CSMD1: variants seen among roughly 807,000 people sequenced by gnomAD.
The protein encoded by CSMD1 is CUB and Sushi multiple domains 1, also known as CUB and sushi domain-containing protein 1.
A neutral mutation model predicts 417.5 loss-of-function variants in CSMD1; 213 were observed. That is an observed-to-expected ratio of 0.51 (90% confidence interval 0.46 to 0.57). CSMD1 has a LOEUF of 0.57. Among genes scored for constraint, CSMD1 ranks in the 20% least tolerant of loss-of-function variants. The pLI, the probability that CSMD1 is intolerant of heterozygous loss-of-function variation, is 0.00. For synonymous variants in CSMD1, 2,862 were observed against 1,736.8 expected (o/e 1.65, Z -16.11); for missense variants, 6,923 against 4,529.7 (o/e 1.53, Z -15.17).
Position 4,866,684 on chromosome 8 carries a change from AT to A in CSMD1, c.85+127647del, listed in dbSNP as rs1202512883. Among the ~76,000 whole-genome samples, 8 of 152,136 alleles carry A rather than the reference AT, an allele frequency of 5.3e-5. No individual in the cohort carries two copies. The South Asian group carries it at 1.7e-3, about 32-fold the overall frequency. On this transcript the variant is annotated intron_variant, in intron 1 of 69. Transcript: ENST00000635120. ...TTCTCTTTACCAGATTTACAATGAA[AT>A]AAATAAAAAATAAGATACTAATTTA... is the stretch of plus-strand genomic sequence containing the variant.
At chr8:3,749,963 G>T (rs117568081) in intron 6 of CSMD1, among the ~76,000 whole-genome samples, 1 of 152,064 alleles carries the variant, frequency 6.6e-6, no homozygotes, top group South Asian at 2.1e-4. Flanking sequence ...TGTTCAGCTT[G>T]ATGGTAAAAC....
Position 3,387,619 on chromosome 8 carries a change from C to T in CSMD1, c.2657G>A (p.Gly886Asp). The T allele has an allele frequency of 1.2e-6, 2 of 1,601,246 alleles. No individual in the cohort carries two copies. Among genetic ancestry groups the T allele is most frequent in the Non-Finnish European group, 1.7e-6 (2 of 1,173,788 alleles). The change falls in exon 18 of 70, where the codon GGT (glycine) becomes GAT (aspartate). Residue 886 changes from glycine to aspartate, a missense_variant. Coordinates refer to ENST00000635120, the MANE Select transcript of CSMD1 (RefSeq NM_033225.6). ...TGTGGACCTGATGCCAAAGTCTCCA[C>T]CGTGGCGATGGCCGTTCACAGGGAT... ...PGIPVNGHRH[G>D]GDFGIRSTVT...
chr8:3,182,815 G>GACTCTGGCTGA (rs1554454731), intron 36 of CSMD1, among the ~76,000 whole-genome samples: 12 of 97,694 alleles, frequency 1.2e-4, no homozygotes, highest in South Asian at 1.2e-3. Context: ...TGGTCTCGGG[G>GACTCTGGCTGA]GACTCTGGCT....
In CSMD1 at chr8:4,895,781, T is replaced by G. The variant is rs181148934; in HGVS notation, c.85+98551A>C. Among the ~76,000 whole-genome samples, 240 of 152,166 alleles carry G rather than the reference T, an allele frequency of 1.6e-3. 5 individuals are homozygous for G. Among genetic ancestry groups the G allele is most frequent in the African/African-American group, 5.7e-3 (236 of 41,462 alleles). On this transcript the variant is annotated intron_variant, in intron 1 of 69. Transcript: ENST00000635120. ...AGATATTAAACTTTACCAAAGTAAA[T>G]TTAAAATCAATAAGCTGTACAGCTG...
chr8:3,058,808 A>G (rs2128992608), intron 49 of CSMD1, among the ~76,000 whole-genome samples: 1 of 152,058 alleles, frequency 6.6e-6, no homozygotes, highest in Middle Eastern at 3.4e-3. Flanking sequence ...ACGGTTTACA[A>G]ACACCTGCTA....
rs151032252 is a variant in CSMD1 at position 3,133,130 on chromosome 8, G to A, written c.6241+9335C>T. Among the ~76,000 whole-genome samples, 22 of 152,306 alleles carry A rather than the reference G, an allele frequency of 1.4e-4. No individual in the cohort carries two copies. The East Asian group carries it at 3.5e-3, about 24-fold the overall frequency. On this transcript the variant is annotated intron_variant, in intron 41 of 69. Coordinates refer to ENST00000635120, the MANE Select transcript of CSMD1 (RefSeq NM_033225.6). ...CCCTGGATGTCACCCACTGCAGCGT[G>A]GGCCGGCACACAGCTTCTCCTCAGC...
At chr8:3,294,614 TGA>T (rs1803825973) in intron 25 of CSMD1, among the ~76,000 whole-genome samples, 1 of 152,170 alleles carries the variant, frequency 6.6e-6, no homozygotes, top group Non-Finnish European at 1.5e-5. Context: ...TAGGACCCTC[TGA>T]GTCATGCACG....
chr8:4,197,626 C>G (rs1799415177), intron 3 of CSMD1, among the ~76,000 whole-genome samples: 1 of 152,186 alleles, frequency 6.6e-6, no homozygotes, highest in South Asian at 2.1e-4. Flanking sequence ...TGCCTGAAAT[C>G]CCAGCATTTT....
intron 5 of CSMD1, among the ~76,000 whole-genome samples, chr8:3,967,907 C>G (rs1812796306): frequency 6.6e-6 from 1 of 150,650 alleles, no homozygotes; most frequent in Non-Finnish European, 1.5e-5. Context: ...GTGGCTCACA[C>G]GTGTAATCCC....
intron 54 of CSMD1, among the ~76,000 whole-genome samples, chr8:2,991,422 C>T (rs147463313): frequency 2.6e-5 from 4 of 152,148 alleles, no homozygotes; most frequent in Non-Finnish European, 2.9e-5. Context: ...ATAAAAAGTA[C>T]AAAAGTTTAT....
chr8:4,704,408 T>G (rs966781410), intron 1 of CSMD1, among the ~76,000 whole-genome samples: 49 of 152,364 alleles, frequency 3.2e-4, no homozygotes, highest in African/African-American at 1.2e-3. Flanking sequence ...ACTTATCTAT[T>G]GTTTATGTGG....
intron 7 of CSMD1, among the ~76,000 whole-genome samples, chr8:3,684,987 G>A (rs924665155): frequency 2.0e-5 from 3 of 152,100 alleles, no homozygotes; most frequent in African/African-American, 7.2e-5. Flanking sequence ...GTCAATACGG[G>A]AATCAATATT....
chr8:4,662,038 T>G (rs958607023), intron 1 of CSMD1, among the ~76,000 whole-genome samples: 1 of 152,144 alleles, frequency 6.6e-6, no homozygotes, highest in Non-Finnish European at 1.5e-5. Flanking sequence ...CATACACAGG[T>G]CAATGATGTA....
chr8:4,502,035 A>G (rs1477692862), intron 2 of CSMD1, among the ~76,000 whole-genome samples: 1 of 152,142 alleles, frequency 6.6e-6, no homozygotes, highest in Non-Finnish European at 1.5e-5. Context: ...TGAAGTTAAG[A>G]ATAACAATTA....
At chr8:4,749,558 C>T (rs1811173571) in intron 1 of CSMD1, among the ~76,000 whole-genome samples, 1 of 152,130 alleles carries the variant, frequency 6.6e-6, no homozygotes, top group Non-Finnish European at 1.5e-5. Context: ...TAAAACCATG[C>T]TTGTTTATTC....
chr8:4,417,370 G>C (rs1431037670), intron 3 of CSMD1, among the ~76,000 whole-genome samples: 5 of 151,930 alleles, frequency 3.3e-5, no homozygotes, highest in Non-Finnish European at 5.9e-5. Flanking sequence ...GTTGAGTTTG[G>C]TGTCCGGATT....
intron 12 of CSMD1, among the ~76,000 whole-genome samples, chr8:3,448,951 G>T (rs774489367): frequency 6.6e-6 from 1 of 152,230 alleles, no homozygotes; most frequent in African/African-American, 2.4e-5. Context: ...ATGTAGGAAA[G>T]AAGGTGACAG....
At chr8:3,541,476 A>C (rs1183610301) in intron 10 of CSMD1, among the ~76,000 whole-genome samples, 1 of 152,030 alleles carries the variant, frequency 6.6e-6, no homozygotes, top group Non-Finnish European at 1.5e-5. Flanking sequence ...ACCATGGTTC[A>C]TGTTTACCGA....
At chr8:3,787,069 A>G (rs780365159) in intron 5 of CSMD1, among the ~76,000 whole-genome samples, 107 of 152,166 alleles carry the variant, frequency 7.0e-4, no homozygotes, top group Non-Finnish European at 1.4e-3. Flanking sequence ...CTGAGTTTAG[A>G]GTGTGTTTAC....
Sources: gnomAD v4.1 joint callset for allele counts (sites outside exome capture counted in the v4.1 genomes callset) on GRCh38, gnomAD v4.1.1 for gene constraint, MANE v1.5 for transcripts, NCBI Gene and HGNC (gene_info 2026-07-23, HGNC 2026-07-21) for gene names.